FSTL5: variants seen among roughly 807,000 people sequenced by gnomAD.
FSTL5 encodes the protein follistatin like 5.
FSTL5 carries 62 observed loss-of-function variants against 89.1 expected under a neutral mutation model. The ratio of observed to expected loss-of-function variants is 0.70; its 90% CI spans 0.57 to 0.86. FSTL5 has a LOEUF of 0.86. FSTL5 is among the 40% of genes least tolerant of loss of function. FSTL5 has a pLI of 0.00. For synonymous variants in FSTL5, 383 were observed against 346.2 expected (o/e 1.11, Z -1.18); for missense variants, 1,057 against 1,001.6 (o/e 1.06, Z -0.75).
At chr4:161,941,662 G>T (rs945372623) in intron 3 of FSTL5, among the ~76,000 whole-genome samples, 2 of 151,928 alleles carry the variant, frequency 1.3e-5, no homozygotes, top group East Asian at 1.9e-4. Flanking sequence ...GACCTTGGCA[G>T]CATTGAAGAC....
At chr4:162,078,973 C>A (rs1729978057) in intron 2 of FSTL5, among the ~76,000 whole-genome samples, 1 of 151,656 alleles carries the variant, frequency 6.6e-6, no homozygotes, top group African/African-American at 2.4e-5. Context: ...ACATCAGTAA[C>A]AACAAGAAAA....
Position 161,695,424 on chromosome 4 carries a change from C to CGTGTGTGTGTGTGTGTGTGTGTGT in FSTL5, c.728-38954_728-38931dup, listed in dbSNP as rs151205054. Among the ~76,000 whole-genome samples, 236 of 134,282 alleles carry CGTGTGTGTGTGTGTGTGTGTGTGT rather than the reference C, an allele frequency of 1.8e-3. 1 individual carries two copies. The highest frequency in any genetic ancestry group is 3.8e-3 in the Middle Eastern group (1 of 262). The allele number at this position is 134,282 out of a possible 152,430, so 88.1% of individuals were successfully genotyped here. A position where few individuals can be genotyped will look rare whatever the true frequency, so the allele number is the denominator to read the frequency against. On this transcript the variant is annotated intron_variant, in intron 6 of 15. Coordinates refer to ENST00000306100, the MANE Select transcript of FSTL5 (RefSeq NM_020116.5). ...TGGCTGAGTAGTATTCCATGGTGTA[C>CGTGTGTGTGTGTGTGTGTGTGTGT]GTGTGTGTGTGTGTGTGTGTGTGTG...
At chr4:161,836,014 T>C (rs1194433765) in intron 4 of FSTL5, among the ~76,000 whole-genome samples, 1 of 152,080 alleles carries the variant, frequency 6.6e-6, no homozygotes, top group Admixed American at 6.6e-5. Flanking sequence ...CATATGTTTA[T>C]TGCAGCACCA....
chr4:161,623,507 A>G (rs1427982600), intron 7 of FSTL5, among the ~76,000 whole-genome samples: 1 of 151,916 alleles, frequency 6.6e-6, no homozygotes, highest in Non-Finnish European at 1.5e-5. Context: ...ATATTGGTTA[A>G]ATAATTTTCC....
chr4:161,438,625 A>T (rs1486143259), intron 15 of FSTL5, among the ~76,000 whole-genome samples: 1 of 152,208 alleles, frequency 6.6e-6, no homozygotes, highest in Non-Finnish European at 1.5e-5. Flanking sequence ...TTTCAGTTCT[A>T]TAATTCATAA....
intron 6 of FSTL5, among the ~76,000 whole-genome samples, chr4:161,696,637 T>G (rs1738180665): frequency 6.6e-6 from 1 of 152,216 alleles, no homozygotes; most frequent in African/African-American, 2.4e-5. Flanking sequence ...AGCAGTGTTT[T>G]ATAGTTTCCC....
intron 8 of FSTL5, among the ~76,000 whole-genome samples, chr4:161,572,877 T>A (rs900197570): frequency 6.6e-6 from 1 of 151,976 alleles, no homozygotes; most frequent in Non-Finnish European, 1.5e-5. Flanking sequence ...ACTGCTACAA[T>A]AAAGTAAGAA....
chr4:161,428,788 A>G (rs913669037), intron 15 of FSTL5, among the ~76,000 whole-genome samples: 3 of 152,168 alleles, frequency 2.0e-5, no homozygotes, highest in African/African-American at 7.2e-5. Context: ...AGTGTGACGA[A>G]GCACATTCCC....
intron 12 of FSTL5, among the ~76,000 whole-genome samples, chr4:161,497,141 T>C (rs1035054939): frequency 6.6e-6 from 1 of 152,156 alleles, no homozygotes; most frequent in Admixed American, 6.6e-5. Context: ...CATAACATGA[T>C]CAATGCGCTT....
At chr4:161,767,419 AG>A (rs1198409270) in intron 5 of FSTL5, among the ~76,000 whole-genome samples, 8 of 152,164 alleles carry the variant, frequency 5.3e-5, no homozygotes, top group African/African-American at 1.9e-4. Context: ...GAGGCTTTTC[AG>A]GGATTTATTC....
At chr4:161,851,268 A>C (rs1731540338) in intron 4 of FSTL5, among the ~76,000 whole-genome samples, 1 of 152,170 alleles carries the variant, frequency 6.6e-6, no homozygotes, top group Admixed American at 6.6e-5. Context: ...TTTTAATTGA[A>C]ATATATAAAG....
At chr4:161,730,676 T>C (rs1739577474) in intron 6 of FSTL5, among the ~76,000 whole-genome samples, 1 of 152,134 alleles carries the variant, frequency 6.6e-6, no homozygotes, top group Non-Finnish European at 1.5e-5. Flanking sequence ...TCTAGTCCTT[T>C]CTCTGAAATG....
At chr4:162,149,156 T>A (rs1907756) in intron 1 of FSTL5, among the ~76,000 whole-genome samples, 35,346 of 152,004 alleles carry the variant, frequency 0.23, 4,305 homozygotes, top group Non-Finnish European at 0.26. Flanking sequence ...AGAATTATCA[T>A]CAAATCTGGA....
At chr4:161,789,261 TATACTG>T (rs1560847253) in intron 4 of FSTL5, among the ~76,000 whole-genome samples, 2 of 152,148 alleles carry the variant, frequency 1.3e-5, no homozygotes, top group African/African-American at 4.8e-5. Context: ...GTTTAGATCA[TATACTG>T]ATTCTTAGTA....
intron 6 of FSTL5, among the ~76,000 whole-genome samples, chr4:161,736,607 C>T (rs986704): frequency 0.56 from 85,134 of 151,970 alleles, 26,986 homozygotes; most frequent in Non-Finnish European, 0.71. Context: ...ATCATGCAAA[C>T]GAATTTTCCA....
At chr4:161,890,571 C>G (rs1020940572) in intron 4 of FSTL5, among the ~76,000 whole-genome samples, 4 of 151,416 alleles carry the variant, frequency 2.6e-5, no homozygotes, top group African/African-American at 9.7e-5. Context: ...GCCTATAACC[C>G]CAGCTACTCA....
At chr4:161,410,468 G>T (rs902164262) in intron 15 of FSTL5, among the ~76,000 whole-genome samples, 1 of 152,094 alleles carries the variant, frequency 6.6e-6, no homozygotes, top group Non-Finnish European at 1.5e-5. Context: ...TCAACAAAAT[G>T]CTCAGTCATA....
At chr4:161,795,728 G>A (rs1392969335) in intron 4 of FSTL5, among the ~76,000 whole-genome samples, 1 of 151,954 alleles carries the variant, frequency 6.6e-6, no homozygotes, top group Non-Finnish European at 1.5e-5. Context: ...TTTCTCCATT[G>A]TGTTGTGTTG....
intron 4 of FSTL5, among the ~76,000 whole-genome samples, chr4:161,831,011 C>T (rs1009282602): frequency 6.6e-6 from 1 of 151,804 alleles, no homozygotes; most frequent in African/African-American, 2.4e-5. Context: ...CTCAAATGTT[C>T]TCCTAGAAGC....
Sources: gnomAD v4.1 joint callset for allele counts (sites outside exome capture counted in the v4.1 genomes callset) on GRCh38, gnomAD v4.1.1 for gene constraint, MANE v1.5 for transcripts, NCBI Gene and HGNC (gene_info 2026-07-23, HGNC 2026-07-21) for gene names.